ADARB2: variants seen among roughly 807,000 people sequenced by gnomAD.
The protein encoded by ADARB2 is inactive double-stranded RNA-specific editase B2.
Under a neutral mutation model 62.2 loss-of-function variants are expected in ADARB2, and 25 were observed. The ratio of observed to expected loss-of-function variants is 0.40; its 90% CI spans 0.29 to 0.56. The LOEUF (loss-of-function observed/expected upper bound fraction) is 0.56, where lower values mean the gene tolerates loss of function less well. ADARB2 is among the 20% of genes least tolerant of loss of function. ADARB2 has a pLI of 0.43. For synonymous variants in ADARB2, 572 were observed against 500.8 expected (o/e 1.14, Z -1.90); for missense variants, 1,071 against 1,077.4 (o/e 0.99, Z 0.08).
chr10:1,558,700 C>T (rs1423914492), intron 1 of ADARB2, among the ~76,000 whole-genome samples: 1 of 142,812 alleles, frequency 7.0e-6, no homozygotes, highest in African/African-American at 2.6e-5. Context: ...CCACCTCTGC[C>T]CCCTTCTGTG....
intron 1 of ADARB2, among the ~76,000 whole-genome samples, chr10:1,570,480 G>A (rs1278631866): frequency 1.3e-5 from 2 of 152,152 alleles, no homozygotes; most frequent in Non-Finnish European, 2.9e-5. Flanking sequence ...GGCAGGAAAG[G>A]CCTCCCTCCC....
At chr10:1,579,787 A>T (rs1006055735) in intron 1 of ADARB2, among the ~76,000 whole-genome samples, 7 of 152,210 alleles carry the variant, frequency 4.6e-5, no homozygotes, top group African/African-American at 1.4e-4. Context: ...GTGACTTCTC[A>T]TCCCAAACCC....
intron 1 of ADARB2, among the ~76,000 whole-genome samples, chr10:1,561,939 G>A (rs1251636095): frequency 1.3e-5 from 2 of 152,184 alleles, no homozygotes; most frequent in Non-Finnish European, 1.5e-5. Context: ...TAGAAGCCCT[G>A]GAAATATGCA....
At position 1,407,913 on chromosome 10, in the gene ADARB2, G is replaced by A. The variant is rs955503317; in HGVS notation, c.101-28753C>T. Among the ~76,000 whole-genome samples, 4 of 152,288 alleles carry A rather than the reference G, an allele frequency of 2.6e-5. No individual in the cohort carries two copies. In the South Asian group the frequency reaches 8.3e-4, roughly 32 times the overall value. ...GAAGAGAGAAGTGAGGAGGCTGGAGGCCAATGCTTTCTTTGACTCTAAAAT... is the reference window on the plus strand; with the variant it reads ...GAAGAGAGAAGTGAGGAGGCTGGAGACCAATGCTTTCTTTGACTCTAAAAT... On this transcript the variant is annotated intron_variant, in intron 1 of 9. Transcript: ENST00000381312.
At chr10:1,709,797 C>T (rs1834929616) in intron 1 of ADARB2, among the ~76,000 whole-genome samples, 1 of 152,214 alleles carries the variant, frequency 6.6e-6, no homozygotes, top group South Asian at 2.1e-4. Context: ...TCCCTTACCT[C>T]AACCAGACAA....
chr10:1,303,991 A>G (rs1475879715), intron 3 of ADARB2, among the ~76,000 whole-genome samples: 2 of 151,950 alleles, frequency 1.3e-5, no homozygotes, highest in Non-Finnish European at 2.9e-5. Context: ...ACCAGCTAAC[A>G]TCATAATGAC....
intron 1 of ADARB2, among the ~76,000 whole-genome samples, chr10:1,484,553 TCCTCTTATAGACCTGGGCAA>T (rs1831518648): frequency 6.6e-6 from 1 of 152,220 alleles, no homozygotes; most frequent in South Asian, 2.1e-4. Context: ...CTTAAGCCAT[TCCTCTTATAGACCTGGGCAA>T]CCACATGGCG....
chr10:1,354,933 C>T (rs187374402), intron 3 of ADARB2, among the ~76,000 whole-genome samples: 1 of 152,358 alleles, frequency 6.6e-6, no homozygotes, highest in Non-Finnish European at 1.5e-5. Flanking sequence ...CTCTGAGCTC[C>T]ATGGAGGTAC....
chr10:1,697,410 A>G (rs1410963367), intron 1 of ADARB2, among the ~76,000 whole-genome samples: 1 of 152,214 alleles, frequency 6.6e-6, no homozygotes, highest in Non-Finnish European at 1.5e-5. Flanking sequence ...ACTGAGCGAG[A>G]CAGACACAGA....
chr10:1,397,933 C>G (rs1460472691), intron 1 of ADARB2, among the ~76,000 whole-genome samples: 2 of 138,898 alleles, frequency 1.4e-5, no homozygotes, highest in Non-Finnish European at 1.6e-5. Flanking sequence ...CTCCTCTCCC[C>G]TCCCGAGTGC....
intron 1 of ADARB2, among the ~76,000 whole-genome samples, chr10:1,409,415 G>A (rs570925751): frequency 2.6e-5 from 4 of 152,344 alleles, no homozygotes; most frequent in East Asian, 1.9e-4. Flanking sequence ...CTTGGCCATC[G>A]CTGTGGCAAC....
At chr10:1,199,702 T>C (rs1836958876) in intron 8 of ADARB2, 1 of 408,336 alleles carries the variant, frequency 2.4e-6, no homozygotes, top group South Asian at 8.5e-5. Context: ...GATTCTGTTT[T>C]CAGAACTCCT....
At chr10:1,199,124 A>G (rs1056767122) in intron 8 of ADARB2, among the ~76,000 whole-genome samples, 3 of 152,192 alleles carry the variant, frequency 2.0e-5, no homozygotes, top group Admixed American at 2.0e-4. Flanking sequence ...CAGGCCCTTC[A>G]GAGAGCTCTC....
intron 3 of ADARB2, among the ~76,000 whole-genome samples, chr10:1,328,060 CGAGGAAG>C (rs1831892752): frequency 2.2e-5 from 2 of 90,100 alleles, no homozygotes; most frequent in South Asian, 6.2e-4. Flanking sequence ...AAATGACATG[CGAGGAAG>C]CCTTACAGTA....
At chr10:1,531,996 T>C (rs1832249171) in intron 1 of ADARB2, among the ~76,000 whole-genome samples, 1 of 152,186 alleles carries the variant, frequency 6.6e-6, no homozygotes, top group South Asian at 2.1e-4. Flanking sequence ...CATCCGGTAT[T>C]GTAGGCTGCA....
intron 1 of ADARB2, among the ~76,000 whole-genome samples, chr10:1,437,980 C>T (rs990931026): frequency 6.6e-6 from 1 of 152,222 alleles, no homozygotes; most frequent in African/African-American, 2.4e-5. Flanking sequence ...TGGCATGACC[C>T]CGTTTACTCA....
chr10:1,563,302 C>T (rs1299828412), intron 1 of ADARB2, among the ~76,000 whole-genome samples: 2 of 152,136 alleles, frequency 1.3e-5, no homozygotes, highest in Non-Finnish European at 2.9e-5. Flanking sequence ...GACGTGTATC[C>T]CTGCATCCTC....
chr10:1,544,985 A>ACACACACACACACAC (rs10523350), intron 1 of ADARB2, among the ~76,000 whole-genome samples: 3 of 151,748 alleles, frequency 2.0e-5, no homozygotes, highest in Non-Finnish European at 2.9e-5. Flanking sequence ...ACACACACAC[A>ACACACACACACACAC]ATGTCCCTTG....
At chr10:1,343,750 T>C (rs1311923072) in intron 3 of ADARB2, among the ~76,000 whole-genome samples, 1 of 152,202 alleles carries the variant, frequency 6.6e-6, no homozygotes, top group African/African-American at 2.4e-5. Flanking sequence ...GAAGCCCTTA[T>C]CCTAAGCAAA....
Sources: allele counts gnomAD v4.1 joint callset (sites outside exome capture counted in the v4.1 genomes callset), GRCh38; gene constraint gnomAD v4.1.1; transcripts MANE v1.5; gene names NCBI Gene and HGNC (gene_info 2026-07-23, HGNC 2026-07-21).